YPEL2: variants seen among roughly 807,000 people sequenced by gnomAD.
YPEL2 encodes protein yippee-like 2.
YPEL2 carries 2 observed loss-of-function variants against 19.1 expected under a neutral mutation model. The observed-to-expected ratio is 0.10, with a 90% confidence interval of 0.04 to 0.33. The LOEUF (loss-of-function observed/expected upper bound fraction) is 0.33. YPEL2 is among the 10% of genes least tolerant of loss of function. The pLI, the probability that YPEL2 is intolerant of heterozygous loss-of-function variation, is 1.00. For synonymous variants in YPEL2, 52 were observed against 50.0 expected (o/e 1.04, Z -0.17); for missense variants, 66 against 140.7 (o/e 0.47, Z 2.68).
chr17:59,388,132 C>T (rs1313485346), intron 2 of YPEL2, among the ~76,000 whole-genome samples, 195 bp from the exon 3 acceptor site: 6 of 152,158 alleles, frequency 3.9e-5, no homozygotes, highest in Admixed American at 2.6e-4. Context: ...TGGGCCAGAT[C>T]GAGCTTTGTG....
At chr17:59,397,061 T>C in intron 4 of YPEL2, 40 bp from the exon 5 acceptor site, 2 of 1,511,166 alleles carry the variant, frequency 1.3e-6, no homozygotes, top group Non-Finnish European at 1.8e-6. Flanking sequence ...TTCTTGTCTT[T>C]GGTCGTTCAG....
chr17:59,388,357 C>G lies in YPEL2; in HGVS notation c.148C>G (p.Leu50Val). 1 of 1,614,130 alleles carries G rather than the reference C, an allele frequency of 6.2e-7. No individual in the cohort carries two copies. Residue 50 changes from leucine to valine, a missense_variant, in exon 3 of 5, where the codon CTC (leucine) becomes GTC (valine). Coordinates refer to ENST00000312655, the MANE Select transcript of YPEL2 (RefSeq NM_001005404.4). ...SFQGSQGRAY[L>V]FNSVVNVGCG... ...CCAAGGAAGTCAAGGACGAGCATAC[C>G]TCTTTAACTCAGTGTGAGTGCCTCT...
At chr17:59,371,873 C>T (rs181846728) in intron 2 of YPEL2, among the ~76,000 whole-genome samples, 35 of 152,264 alleles carry the variant, frequency 2.3e-4, no homozygotes, top group Admixed American at 1.8e-3. Context: ...ATGGGAGTGA[C>T]GAGGAAGTTT....
intron 1 of YPEL2, among the ~76,000 whole-genome samples, chr17:59,341,205 AC>A (rs1271360893): frequency 6.6e-6 from 1 of 151,428 alleles, no homozygotes; most frequent in Non-Finnish European, 1.5e-5. Flanking sequence ...ATCCTGACTA[AC>A]AAGGTGAAAT....
intron 2 of YPEL2, among the ~76,000 whole-genome samples, chr17:59,368,516 A>T (rs968772875): frequency 6.6e-6 from 1 of 152,240 alleles, no homozygotes; most frequent in African/African-American, 2.4e-5. Context: ...AAAGAGCAGG[A>T]TGAATGTTTA....
chr17:59,371,007 C>G (rs778562677), intron 2 of YPEL2, among the ~76,000 whole-genome samples: 5 of 152,230 alleles, frequency 3.3e-5, no homozygotes, highest in Middle Eastern at 3.4e-3. Context: ...TAGAGTTCCG[C>G]ACACTGGGAG....
chr17:59,370,310 G>T (rs1480186060), intron 2 of YPEL2, among the ~76,000 whole-genome samples: 1 of 152,138 alleles, frequency 6.6e-6, no homozygotes, highest in Non-Finnish European at 1.5e-5. Flanking sequence ...TGATCCGCCC[G>T]CCTCGGCCTC....
chr17:59,356,996 C>G (rs2047816125), intron 2 of YPEL2, among the ~76,000 whole-genome samples: 1 of 152,204 alleles, frequency 6.6e-6, no homozygotes, highest in African/African-American at 2.4e-5. Context: ...GCAGATGTCT[C>G]TAGCAGCCAG....
At chr17:59,347,931 C>CT (rs894332988) in intron 1 of YPEL2, among the ~76,000 whole-genome samples, 207 of 151,432 alleles carry the variant, frequency 1.4e-3, no homozygotes, top group South Asian at 0.011. Flanking sequence ...CTTTTTCTTT[C>CT]TTTTTTTTTA....
At chr17:59,378,141 A>C (rs1275926312) in intron 2 of YPEL2, among the ~76,000 whole-genome samples, 1 of 152,000 alleles carries the variant, frequency 6.6e-6, no homozygotes, top group Non-Finnish European at 1.5e-5. Context: ...GCAACACGAC[A>C]CCATGAGGCA....
At position 59,397,406 on chromosome 17, in the gene YPEL2, G is replaced by A. The variant is rs1279859026; in HGVS notation, c.*216G>A. On this transcript the variant is annotated 3_prime_UTR_variant, in exon 5 of 5. Coordinates refer to ENST00000312655, the MANE Select transcript of YPEL2 (RefSeq NM_001005404.4). ...TGTATCTGTTTGTGAGTTGATCCTG[G>A]CTTCTCTCTCTGTTCTAGTTTTGGC... 7.7e-6 allele frequency: 3 copies of A among 389,088 alleles called. No homozygotes were observed. The highest frequency in any genetic ancestry group is 8.4e-5 in the South Asian group (1 of 11,924). The allele number at this position is 389,088 out of a possible 1,614,324, so 24.1% of individuals were successfully genotyped here.
intron 4 of YPEL2, among the ~76,000 whole-genome samples, chr17:59,390,495 C>T (rs1014229343): frequency 1.3e-5 from 2 of 152,174 alleles, no homozygotes; most frequent in Non-Finnish European, 2.9e-5. Context: ...ATAAATGTTC[C>T]TAAAACACCT....
intron 2 of YPEL2, among the ~76,000 whole-genome samples, chr17:59,378,702 G>A (rs1303298455): frequency 2.0e-5 from 3 of 152,132 alleles, no homozygotes; most frequent in African/African-American, 7.2e-5. Context: ...TGTTTTTGTA[G>A]TTCCAAGCAT....
At chr17:59,374,114 G>C (rs1015011815) in intron 2 of YPEL2, among the ~76,000 whole-genome samples, 1 of 152,204 alleles carries the variant, frequency 6.6e-6, no homozygotes, top group African/African-American at 2.4e-5. Flanking sequence ...CCAGTTCAGA[G>C]TATCGGGGTT....
intron 2 of YPEL2, among the ~76,000 whole-genome samples, chr17:59,387,093 C>G (rs910477987): frequency 1.6e-4 from 25 of 151,914 alleles, no homozygotes; most frequent in Non-Finnish European, 3.2e-4. Context: ...AACCCTGTCT[C>G]TACTAAAAAT....
At chr17:59,341,197 C>A (rs1363860946) in intron 1 of YPEL2, among the ~76,000 whole-genome samples, 1 of 151,300 alleles carries the variant, frequency 6.6e-6, no homozygotes, top group Non-Finnish European at 1.5e-5. Context: ...CGGAGACCAT[C>A]CTGACTAACA....
At chr17:59,346,822 C>G (rs1449342605) in intron 1 of YPEL2, among the ~76,000 whole-genome samples, 2 of 152,010 alleles carry the variant, frequency 1.3e-5, no homozygotes, top group Non-Finnish European at 2.9e-5. Flanking sequence ...TTTCAATGGA[C>G]AAGTAAGGGC....
chr17:59,376,165 TAGACTTTAGAGCC>T (rs2047919912), intron 2 of YPEL2, among the ~76,000 whole-genome samples: 1 of 152,214 alleles, frequency 6.6e-6, no homozygotes, highest in Non-Finnish European at 1.5e-5. Context: ...CATTCTTCCC[TAGACTTTAGAGCC>T]AGACTGCCTG....
At chr17:59,357,693 G>A (rs1428289336) in intron 2 of YPEL2, among the ~76,000 whole-genome samples, 2 of 152,140 alleles carry the variant, frequency 1.3e-5, no homozygotes, top group Non-Finnish European at 2.9e-5. Context: ...AATCTATTAT[G>A]GAAACCTGGG....
Sources: allele counts gnomAD v4.1 joint callset (sites outside exome capture counted in the v4.1 genomes callset), GRCh38; gene constraint gnomAD v4.1.1; transcripts MANE v1.5; gene names NCBI Gene and HGNC (gene_info 2026-07-23, HGNC 2026-07-21).